MCCC1: variants seen among roughly 807,000 people sequenced by gnomAD.
MCCC1 encodes methylcrotonoyl-CoA carboxylase subunit alpha, mitochondrial.
MCCC1 carries 64 observed loss-of-function variants against 83.8 expected under a neutral mutation model. That is an observed-to-expected ratio of 0.76 (90% CI 0.62 to 0.94). The LOEUF (loss-of-function observed/expected upper bound fraction) is 0.94, where lower values mean the gene tolerates loss of function less well. MCCC1 is among the 40% of genes least tolerant of loss of function. The pLI is 0.00. For synonymous variants in MCCC1, 322 were observed against 315.4 expected (o/e 1.02, Z -0.22); for missense variants, 807 against 904.7 (o/e 0.89, Z 1.39).
rs984888845 is a variant in MCCC1 at position 183,058,663 on chromosome 3, T to C, written c.762-1241A>G. 6.6e-5 allele frequency among the ~76,000 whole-genome samples: 10 copies of C among 152,178 alleles called. No homozygotes were observed. The South Asian group carries it at 1.2e-3, about 19-fold the overall frequency. ...AACAACAACAACCAACAAAGGTAAT[T>C]ACATGTTGATTATAAAATAGTAAAA... On this transcript the variant is annotated intron_variant, in intron 7 of 18. Coordinates refer to ENST00000265594, the MANE Select transcript of MCCC1 (RefSeq NM_020166.5).
At chr3:183,082,774 TTGAGACCAGCC>T (rs1472092167) in intron 4 of MCCC1, among the ~76,000 whole-genome samples, 1 of 152,098 alleles carries the variant, frequency 6.6e-6, no homozygotes, top group Non-Finnish European at 1.5e-5. Context: ...GCCCAGGAGT[TTGAGACCAGCC>T]TGGGAAACAC....
chr3:183,091,617 C>T (rs1393066524), intron 3 of MCCC1, among the ~76,000 whole-genome samples: 2 of 151,948 alleles, frequency 1.3e-5, no homozygotes, highest in African/African-American at 4.8e-5. Context: ...CTAGTAATAA[C>T]TCACCCGTAA....
chr3:183,045,986 T>C (rs528671286), intron 9 of MCCC1, among the ~76,000 whole-genome samples: 13 of 152,250 alleles, frequency 8.5e-5, no homozygotes, highest in Non-Finnish European at 1.9e-4. Context: ...CATTGAAAGA[T>C]TGTTTGGCAA....
intron 14 of MCCC1, among the ~76,000 whole-genome samples, chr3:183,029,439 A>G (rs1340476165): frequency 6.6e-6 from 1 of 152,128 alleles, no homozygotes; most frequent in African/African-American, 2.4e-5. Context: ...TGGCATCCCT[A>G]TGCTCCTTGT....
chr3:183,071,987 G>A (rs754530149), intron 5 of MCCC1, among the ~76,000 whole-genome samples: 6 of 150,918 alleles, frequency 4.0e-5, no homozygotes, highest in Admixed American at 2.7e-4. Flanking sequence ...TCCCACCTCA[G>A]CCTCCCAAGA....
At chr3:183,106,320 A>G (rs1157376225) in intron 1 of MCCC1, among the ~76,000 whole-genome samples, 5 of 152,222 alleles carry the variant, frequency 3.3e-5, no homozygotes, top group South Asian at 4.2e-4. Flanking sequence ...TCCAAAATAA[A>G]TATCTTTTTC....
chr3:183,029,375 G>A (rs990655213), intron 14 of MCCC1, among the ~76,000 whole-genome samples: 1 of 152,110 alleles, frequency 6.6e-6, no homozygotes, highest in African/African-American at 2.4e-5. Context: ...AACATGGCGG[G>A]GCCGACAAAT....
Position 183,081,034 on chromosome 3 carries a change from G to A in MCCC1, c.369+5659C>T, listed in dbSNP as rs115821624. On this transcript the variant is annotated intron_variant, in intron 4 of 18. Transcript: ENST00000265594. ...GATAAGATGTGGGTATGGACACAGC[G>A]AAACCATATCAATAACTAAAAACAA... Among the ~76,000 whole-genome samples, 743 of 152,274 alleles carry A rather than the reference G, an allele frequency of 4.9e-3. 9 individuals carry two copies. Among genetic ancestry groups the A allele is most frequent in the African/African-American group, 0.017 (692 of 41,538 alleles).
intron 4 of MCCC1, among the ~76,000 whole-genome samples, chr3:183,081,231 G>A (rs750958134): frequency 2.0e-4 from 30 of 152,162 alleles, no homozygotes; most frequent in Admixed American, 8.5e-4. Context: ...TATTACCAGC[G>A]GGCTAATTCC....
At chr3:183,019,199 G>T (rs188162041) in intron 17 of MCCC1, among the ~76,000 whole-genome samples, 1 of 152,158 alleles carries the variant, frequency 6.6e-6, no homozygotes, top group East Asian at 1.9e-4. Context: ...GAGTTTTTAT[G>T]ATTTAAGTGT....
intron 4 of MCCC1, among the ~76,000 whole-genome samples, chr3:183,080,972 C>T (rs888362560): frequency 2.0e-5 from 3 of 152,200 alleles, no homozygotes; most frequent in Non-Finnish European, 4.4e-5. Context: ...CCGGGTTCCT[C>T]CCATAATACG....
intron 16 of MCCC1, among the ~76,000 whole-genome samples, chr3:183,021,039 A>G (rs556341589): frequency 1.1e-4 from 16 of 152,280 alleles, no homozygotes; most frequent in Middle Eastern, 6.8e-3. Context: ...CAACCTGGAC[A>G]ACAGAGCAAG....
At position 183,016,895 on chromosome 3, in the gene MCCC1, C is replaced by A. The variant is rs766957447; in HGVS notation, c.2049+371G>T. On this transcript the variant is annotated intron_variant, in intron 18 of 18. Transcript: ENST00000265594. Reference sequence around the variant, plus strand: ...GGCATCCTTGGTTCGGCCTTAGAACCAAGATAATACCAACAGTTAACATTA... The same window carrying A: ...GGCATCCTTGGTTCGGCCTTAGAACAAAGATAATACCAACAGTTAACATTA... Among the ~76,000 whole-genome samples, 6 of 152,268 alleles carry A rather than the reference C, an allele frequency of 3.9e-5. No homozygotes were observed. In the East Asian group the frequency reaches 1.2e-3, roughly 29 times the overall value.
At chr3:183,101,555 A>C (rs1464436457), upstream of MCCC1, among the ~76,000 whole-genome samples, 1 of 152,022 alleles carries the variant, frequency 6.6e-6, no homozygotes, top group African/African-American at 2.4e-5. Context: ...GGACGTGGAG[A>C]ACCTTTGTAT....
intron 7 of MCCC1, 26 bp downstream of exon 7, chr3:183,070,973 G>A (rs771370646): frequency 1.0e-5 from 16 of 1,607,676 alleles, no homozygotes; most frequent in Non-Finnish European, 1.4e-5. Context: ...TTTAAACTCT[G>A]AGTCAGAAAA....
In MCCC1 at chr3:183,057,399, C is replaced by G; in HGVS notation, c.785G>C (p.Gly262Ala). ...TPRHVEVQVF[G>A]DHHGNAVYLF... is the part of the protein sequence containing the mutation. ...GTACACAGCATTGCCATGGTGATCA[C>G]CAAACACCTGGACTTCTACATGCCT... Residue 262 changes from glycine (G) to alanine (A), a missense_variant, in exon 8 of 19, where the codon GGT becomes GCT. Transcript: ENST00000265594. The G allele has an allele frequency of 6.2e-7, 1 of 1,608,230 alleles. No individual in the cohort carries two copies. The highest frequency in any genetic ancestry group is 8.5e-7 in the Non-Finnish European group (1 of 1,176,646).
At chr3:183,053,252 C>G (rs1715131229) in intron 8 of MCCC1, among the ~76,000 whole-genome samples, 1 of 152,036 alleles carries the variant, frequency 6.6e-6, no homozygotes, top group Non-Finnish European at 1.5e-5. Flanking sequence ...GGGTGAAGCA[C>G]TTGAGCCCAG....
At chr3:183,053,457 T>C (rs7432920) in intron 8 of MCCC1, among the ~76,000 whole-genome samples, 136,726 of 152,074 alleles carry the variant, frequency 0.9, 61,776 homozygotes, top group East Asian at 1. Context: ...CACTGCACTC[T>C]AGCCTGGGTG....
chr3:183,073,475 C>A (rs1716843723), intron 4 of MCCC1, among the ~76,000 whole-genome samples: 1 of 152,202 alleles, frequency 6.6e-6, no homozygotes, highest in African/African-American at 2.4e-5. Flanking sequence ...GTATTAAAGT[C>A]TACAGGAGTG....
Sources: allele counts gnomAD v4.1 joint callset (sites outside exome capture counted in the v4.1 genomes callset), GRCh38; gene constraint gnomAD v4.1.1; transcripts MANE v1.5; gene names NCBI Gene and HGNC (gene_info 2026-07-23, HGNC 2026-07-21).